Variants in CACNA1E observed in about 807,000 individuals in gnomAD.
CACNA1E encodes calcium voltage-gated channel subunit alpha1 E.
CACNA1E carries 40 observed loss-of-function variants against 259.2 expected under a neutral mutation model. The ratio of observed to expected loss-of-function variants is 0.15; its 90% CI spans 0.12 to 0.20. CACNA1E has a LOEUF of 0.20. CACNA1E is among the 10% of genes least tolerant of loss of function. The probability of loss-of-function intolerance (pLI) is 1.00; values close to 1 mark genes in which losing one functional copy is unlikely to be tolerated. For missense variants in CACNA1E, 1,874 were observed against 3,040.1 expected (o/e 0.62, Z 9.02); for synonymous variants, 1,104 against 1,138.5 (o/e 0.97, Z 0.61).
chr1:181,338,284 C>T (rs1275572523), intron 1 of CACNA1E, among the ~76,000 whole-genome samples: 3 of 152,120 alleles, frequency 2.0e-5, no homozygotes, highest in African/African-American at 7.2e-5. Flanking sequence ...TGGAGTTTCG[C>T]CATGTTGGCC....
chr1:181,510,659 C>A, intron 2 of CACNA1E, 77 bp downstream of exon 2: 2 of 907,714 alleles, frequency 2.2e-6, no homozygotes, highest in South Asian at 1.4e-5. Context: ...ATCACTCTCC[C>A]ATTCCCTTCC....
chr1:181,353,498 G>T (rs1209119957), intron 1 of CACNA1E, among the ~76,000 whole-genome samples: 1 of 152,194 alleles, frequency 6.6e-6, no homozygotes, highest in Non-Finnish European at 1.5e-5. Flanking sequence ...ATTCCAGATA[G>T]TAGGAAAAAA....
chr1:181,587,676 G>T (rs963605571), intron 6 of CACNA1E, among the ~76,000 whole-genome samples: 3 of 152,136 alleles, frequency 2.0e-5, no homozygotes, highest in African/African-American at 4.8e-5. Flanking sequence ...TAGGTCAGGA[G>T]ATCGAGACCA....
At chr1:181,614,930 T>TG (rs1655075005) in intron 6 of CACNA1E, among the ~76,000 whole-genome samples, 1 of 152,226 alleles carries the variant, frequency 6.6e-6, no homozygotes, top group Non-Finnish European at 1.5e-5. Context: ...TGCATATAAG[T>TG]GGACCCATGC....
chr1:181,602,249 C>T (rs1653815403), intron 6 of CACNA1E, among the ~76,000 whole-genome samples: 2 of 152,222 alleles, frequency 1.3e-5, no homozygotes, highest in African/African-American at 4.8e-5. Context: ...TTGTCTCACA[C>T]ACTGCTGCAA....
intron 7 of CACNA1E, among the ~76,000 whole-genome samples, chr1:181,667,254 G>A (rs1648325088): frequency 6.6e-6 from 1 of 152,152 alleles, no homozygotes; most frequent in African/African-American, 2.4e-5. Context: ...TGGCTGAAAT[G>A]TAAGGTGAAA....
Position 181,803,216 on chromosome 1 carries a change from G to T in CACNA1E, c.*4382G>T, listed in dbSNP as rs916085237. ...TCCCAGAGCAATGGGCACCGTCCAG[G>T]AGGTACAGGAGAGGACTTTATGATG... is the stretch of plus-strand genomic sequence containing the variant. On this transcript the variant is annotated 3_prime_UTR_variant, in exon 48 of 48. Transcript: ENST00000367573. 1 of 152,150 alleles carries T rather than the reference G, an allele frequency of 6.6e-6. No homozygotes were observed. Among genetic ancestry groups the T allele is most frequent in the African/African-American group, 2.4e-5 (1 of 41,400 alleles). 9.4% of individuals were successfully genotyped at this position (152,150 alleles called of 1,614,324 possible). A position where few individuals can be genotyped will look rare whatever the true frequency, so the allele number is the denominator to read the frequency against.
chr1:181,598,418 T>G (rs990037523), intron 6 of CACNA1E, among the ~76,000 whole-genome samples: 2 of 152,132 alleles, frequency 1.3e-5, no homozygotes, highest in Admixed American at 1.3e-4. Flanking sequence ...AGAAACCTTG[T>G]AGACATAGAA....
intron 12 of CACNA1E, 129 bp downstream of exon 12, chr1:181,718,296 T>G: frequency 1.7e-6 from 1 of 588,188 alleles, no homozygotes; most frequent in Non-Finnish European, 3.0e-6. Flanking sequence ...TAGATAAGAT[T>G]AGCTAAAGGG....
At chr1:181,737,723 G>T (rs146873390) in intron 23 of CACNA1E, 69 bp downstream of exon 23, 1 of 1,558,724 alleles carries the variant, frequency 6.4e-7, no homozygotes, top group East Asian at 2.3e-5. Flanking sequence ...AGCACTGGAG[G>T]TGAACCGAGA....
intron 1 of CACNA1E, among the ~76,000 whole-genome samples, chr1:181,389,621 G>A (rs777640715): frequency 3.3e-5 from 5 of 152,240 alleles, no homozygotes; most frequent in African/African-American, 1.2e-4. Context: ...TGCGTGTGTC[G>A]CAGGGAGGTC....
chr1:181,798,722 A>G lies in CACNA1E; in HGVS notation c.6830A>G (p.Gln2277Arg). The G allele has an allele frequency of 6.2e-7, 1 of 1,608,734 alleles. No individual in the cohort carries two copies. Among genetic ancestry groups the G allele is most frequent in the Non-Finnish European group, 8.5e-7 (1 of 1,176,688 alleles). The change falls in exon 48 of 48, where the codon CAG becomes CGG. Residue 2277 changes from glutamine to arginine, a missense_variant. Coordinates refer to ENST00000367573, the MANE Select transcript of CACNA1E (RefSeq NM_001205293.3). This position sits in a 1 kb window ranked among gnomAD's most constrained non-coding sequence, Gnocchi z 4.2. ...GCCCCACCCCTGCGGCATAGCTGGC[A>G]GATGCCCAACGGGCACTATCGGCGG... ...GSAPPLRHSW[Q>R]MPNGHYRRRR... is the part of the protein sequence containing the mutation.
At chr1:181,760,259 C>T (rs1292337604) in intron 32 of CACNA1E, among the ~76,000 whole-genome samples, 1 of 152,158 alleles carries the variant, frequency 6.6e-6, no homozygotes, top group Non-Finnish European at 1.5e-5. Context: ...CCTTCCCACC[C>T]TACCCCCATG....
chr1:181,723,080 A>T (rs57493754), intron 16 of CACNA1E, among the ~76,000 whole-genome samples: 3,887 of 152,324 alleles, frequency 0.026, 167 homozygotes, highest in African/African-American at 0.089. Flanking sequence ...AATAGATTTC[A>T]TAGTGAATCA....
At chr1:181,733,057 A>G (rs1655667744) in intron 20 of CACNA1E, 23 bp downstream of exon 20, 1 of 1,556,656 alleles carries the variant, frequency 6.4e-7, no homozygotes, top group African/African-American at 1.4e-5. Flanking sequence ...CAGGGCTCCC[A>G]GATGGATGGC....
At chr1:181,587,950 A>G (rs1652253269) in intron 6 of CACNA1E, among the ~76,000 whole-genome samples, 1 of 152,208 alleles carries the variant, frequency 6.6e-6, no homozygotes, top group South Asian at 2.1e-4. Flanking sequence ...CAGTCTGTGG[A>G]GTAAGTTGAG....
In CACNA1E at chr1:181,776,322, T is replaced by A; in HGVS notation, c.5267+94T>A. On this transcript the variant is annotated intron_variant, in intron 38 of 47. Coordinates refer to ENST00000367573, the MANE Select transcript of CACNA1E (RefSeq NM_001205293.3). The surrounding 1 kb of genome is among the most constrained non-coding windows in gnomAD (Gnocchi z 4.4). The stretch of plus-strand genomic sequence containing the variant: ...CTGGAATTGGAGCCACCCAAATGCC[T>A]GCCTGTTACAGAAGGAAAGGAGATT... 7.9e-7 allele frequency: 1 copy of A among 1,271,302 alleles called. No homozygotes were observed. The highest frequency in any genetic ancestry group is 1.2e-5 in the South Asian group (1 of 82,666). 78.8% of individuals were successfully genotyped at this position (1,271,302 alleles called of 1,614,324 possible).
chr1:181,353,904 G>T (rs1048932889), intron 1 of CACNA1E, among the ~76,000 whole-genome samples: 1 of 152,202 alleles, frequency 6.6e-6, no homozygotes. Flanking sequence ...GAGATTCCCT[G>T]TCTGTTAGAG....
chr1:181,390,368 G>T (rs532985819), intron 1 of CACNA1E, among the ~76,000 whole-genome samples: 4 of 152,050 alleles, frequency 2.6e-5, no homozygotes, highest in South Asian at 4.2e-4. Context: ...GAAAGAAGTC[G>T]AGAGAACCTG....
Sources: allele counts gnomAD v4.1 joint callset (sites outside exome capture counted in the v4.1 genomes callset), GRCh38; gene constraint gnomAD v4.1.1; non-coding constraint Gnocchi (gnomAD v3.1); transcripts MANE v1.5; gene names NCBI Gene and HGNC (gene_info 2026-07-23, HGNC 2026-07-21).